Variants in MAD1L1 observed in about 807,000 individuals in gnomAD.
MAD1L1 encodes the protein mitotic spindle assembly checkpoint protein MAD1.
In MAD1L1, 95 loss-of-function variants were observed where a neutral mutation model predicts 96.9. The observed-to-expected ratio is 0.98, with a 90% CI of 0.83 to 1.16. The LOEUF is 1.16. Ranked by LOEUF, MAD1L1 falls within the 50% of genes most tolerant of loss-of-function variation. The pLI is 0.00. For missense variants in MAD1L1, 1,007 were observed against 954.4 expected, an observed-to-expected ratio of 1.06 and a Z score of -0.73; for synonymous variants, 473 against 396.6, an observed-to-expected ratio of 1.19 and a Z score of -2.29.
At chr7:2,054,349 G>C (rs1436546149) in intron 12 of MAD1L1, among the ~76,000 whole-genome samples, 1 of 152,134 alleles carries the variant, frequency 6.6e-6, no homozygotes, top group Non-Finnish European at 1.5e-5. Context: ...GGCGGTCCAC[G>C]CTCCCACAAC....
intron 12 of MAD1L1, among the ~76,000 whole-genome samples, chr7:2,039,473 C>A (rs1783584663): frequency 6.6e-6 from 1 of 152,194 alleles, no homozygotes; most frequent in Non-Finnish European, 1.5e-5. Flanking sequence ...GTCACTCTCC[C>A]ATCAGCAAGG....
chr7:2,122,685 GGCAGGAAGGATGCAGCCTTGGTCCAAGCA>G (rs1367561536), intron 11 of MAD1L1, among the ~76,000 whole-genome samples: 1 of 152,184 alleles, frequency 6.6e-6, no homozygotes, highest in Non-Finnish European at 1.5e-5. Context: ...GTGAGACTCA[GGCAGGAAGGATGCAGCCTTGGTCCAAGCA>G]GCTGGCAAGT....
chr7:1,895,112 A>G (rs1035798854), intron 18 of MAD1L1, among the ~76,000 whole-genome samples: 4 of 152,230 alleles, frequency 2.6e-5, no homozygotes, highest in African/African-American at 9.6e-5. Context: ...GGTGTCTACA[A>G]GCGAGCTGGG....
At chr7:2,213,403 C>T (rs1400426535) in intron 9 of MAD1L1, 130 bp from the exon 10 acceptor site, 44 of 814,960 alleles carry the variant, frequency 5.4e-5, no homozygotes, top group African/African-American at 1.3e-4. Flanking sequence ...CTGAGCTGGG[C>T]GCTACATGCT....
At chr7:2,052,415 A>G (rs916916448) in intron 12 of MAD1L1, among the ~76,000 whole-genome samples, 1 of 150,348 alleles carries the variant, frequency 6.7e-6, no homozygotes, top group Non-Finnish European at 1.5e-5. Flanking sequence ...AGGGCGCCGG[A>G]CAGCTCACTA....
At chr7:1,944,307 G>A (rs1361967588) in intron 16 of MAD1L1, among the ~76,000 whole-genome samples, 1 of 152,202 alleles carries the variant, frequency 6.6e-6, no homozygotes, top group Non-Finnish European at 1.5e-5. Flanking sequence ...GGTTGCACTA[G>A]CCGTGGACAT....
At chr7:2,180,752 A>G (rs528825245) in intron 10 of MAD1L1, among the ~76,000 whole-genome samples, 156 of 152,304 alleles carry the variant, frequency 1.0e-3, no homozygotes, top group Non-Finnish European at 1.9e-3. Context: ...TGTATCCTGC[A>G]ACTCTGTTGA....
chr7:1,958,760 G>A (rs558860762), intron 15 of MAD1L1, among the ~76,000 whole-genome samples: 2 of 152,222 alleles, frequency 1.3e-5, no homozygotes, highest in South Asian at 2.1e-4. Flanking sequence ...TTGCACAGAC[G>A]GCAACACTGG....
chr7:2,126,137 G>A (rs1788219004), intron 11 of MAD1L1, among the ~76,000 whole-genome samples: 1 of 152,220 alleles, frequency 6.6e-6, no homozygotes, highest in South Asian at 2.1e-4. Context: ...TGAAGCGAGG[G>A]ATGGCACCTC....
chr7:1,845,184 G>C (rs1419249131), intron 18 of MAD1L1: 1 of 152,316 alleles, frequency 6.6e-6, no homozygotes. Context: ...CAGCCTGCTG[G>C]GCTCAGGGTG....
Position 2,225,540 on chromosome 7 carries a change from C to T in MAD1L1, c.161G>A (p.Arg54Lys). The T allele has an allele frequency of 1.2e-6, 2 of 1,613,700 alleles. No individual in the cohort carries two copies. Among genetic ancestry groups the T allele is most frequent in the Non-Finnish European group, 1.7e-6 (2 of 1,180,030 alleles). The change falls in exon 4 of 19, where the codon AGA becomes AAA. Residue 54 changes from arginine (R) to lysine (K), a missense_variant. By Grantham distance (26) the Arg-to-Lys change is conservative. Transcript: ENST00000265854. ...QYQQSMQLEE[R>K]AEQIRSKSHL... ...GGACTTCGAACGGATCTGCTCTGCT[C>T]TTTCCTCCAGCTGAGCAGGTCGCAC...
At chr7:1,939,793 C>T (rs1778856628) in intron 16 of MAD1L1, among the ~76,000 whole-genome samples, 1 of 152,204 alleles carries the variant, frequency 6.6e-6, no homozygotes, top group Non-Finnish European at 1.5e-5. Context: ...AGAGCTCAGG[C>T]TGCTGTGGGC....
chr7:1,947,370 G>A (rs1779278563), intron 16 of MAD1L1, among the ~76,000 whole-genome samples: 1 of 152,240 alleles, frequency 6.6e-6, no homozygotes, highest in African/African-American at 2.4e-5. Flanking sequence ...AGCGACAAGA[G>A]GGGAATGGAA....
intron 14 of MAD1L1, among the ~76,000 whole-genome samples, chr7:1,985,410 T>G (rs534220560): frequency 6.6e-6 from 1 of 152,342 alleles, no homozygotes; most frequent in South Asian, 2.1e-4. Context: ...TGTGCACAGA[T>G]GCAGACCACG....
chr7:2,210,987 G>C (rs1040911045), intron 10 of MAD1L1, among the ~76,000 whole-genome samples: 13 of 152,240 alleles, frequency 8.5e-5, no homozygotes, highest in Non-Finnish European at 1.5e-5. Flanking sequence ...GAGAACACTG[G>C]CCCAGAGCAG....
At chr7:2,226,857 G>T (rs1013988653) in intron 3 of MAD1L1, among the ~76,000 whole-genome samples, 1 of 151,960 alleles carries the variant, frequency 6.6e-6, no homozygotes, top group Admixed American at 6.6e-5. Context: ...GGTCGTGGTG[G>T]TACGCACCTG....
rs147751305 is a variant in MAD1L1 at position 2,131,178 on chromosome 7, C to A, written c.1073+17974G>T. On this transcript the variant is annotated intron_variant, in intron 11 of 18. Coordinates refer to ENST00000265854, the MANE Select transcript of MAD1L1 (RefSeq NM_001013836.2). The stretch of plus-strand genomic sequence containing the variant: ...CAGCGTGTCAGCCTTCTTCGGGCCC[C>A]AGAGCGGACCCTGCACACGATAAAC... Among the ~76,000 whole-genome samples, 740 of 152,328 alleles carry A rather than the reference C, an allele frequency of 4.9e-3. 12 individuals carry two copies. Among genetic ancestry groups the A allele is most frequent in the African/African-American group, 0.017 (703 of 41,562 alleles).
Position 1,915,551 on chromosome 7 carries a change from G to A in MAD1L1, c.1808-17161C>T, listed in dbSNP as rs554647320. Among the ~76,000 whole-genome samples the A allele has an allele frequency of 7.4e-4, 113 of 152,350 alleles. 1 individual carries two copies. Among genetic ancestry groups the A allele is most frequent in the Middle Eastern group, 3.4e-3 (1 of 294 alleles). ...TTCCACGGCGGGCTGGAGGACGCAC[G>A]CTGCCTGCCTCCAAGTCTCACAGTC... On this transcript the variant is annotated intron_variant, in intron 17 of 18. Coordinates refer to ENST00000265854, the MANE Select transcript of MAD1L1 (RefSeq NM_001013836.2).
intron 18 of MAD1L1, chr7:1,849,928 C>G (rs529628584): frequency 6.6e-6 from 1 of 152,202 alleles, no homozygotes; most frequent in African/African-American, 2.4e-5. Context: ...AGAGCCCACG[C>G]GGCAGCAGTT....
Sources: allele counts gnomAD v4.1 joint callset (sites outside exome capture counted in the v4.1 genomes callset), GRCh38; gene constraint gnomAD v4.1.1; transcripts MANE v1.5; gene names NCBI Gene and HGNC (gene_info 2026-07-23, HGNC 2026-07-21).